PTCD3: variants seen among roughly 807,000 people sequenced by gnomAD.
PTCD3 encodes the protein pentatricopeptide repeat domain 3, also known as small ribosomal subunit protein mS39.
PTCD3 carries 89 observed loss-of-function variants against 101.9 expected under a neutral mutation model. The ratio of observed to expected loss-of-function variants is 0.87; its 90% CI spans 0.74 to 1.04. The LOEUF is 1.04. Among genes scored for constraint, PTCD3 ranks in the 50% least tolerant of loss-of-function variants. PTCD3 has a pLI of 0.00. For missense variants in PTCD3, 870 were observed against 828.2 expected (o/e 1.05, Z -0.62); for synonymous variants, 296 against 278.5 (o/e 1.06, Z -0.63).
Position 86,127,933 on chromosome 2 carries a change from A to G in PTCD3, c.1097-8A>G, listed in dbSNP as rs1443737507. 6.2e-7 allele frequency: 1 copy of G among 1,605,124 alleles called. No homozygotes were observed. On this transcript the variant is annotated splice_region_variant and splice_polypyrimidine_tract_variant and intron_variant, in intron 13 of 23. Coordinates refer to ENST00000254630, the MANE Select transcript of PTCD3 (RefSeq NM_017952.6). ...TGTTTATTTTTTCTGTCTACCTGGT[A>G]ATTTGAGAACCCTCGCTTGCAACAT...
intron 22 of PTCD3, 121 bp from the exon 23 acceptor site, chr2:86,136,861 C>A: frequency 7.8e-7 from 1 of 1,285,864 alleles, no homozygotes; most frequent in Non-Finnish European, 1.1e-6. Flanking sequence ...AAATGTTAGA[C>A]TTCATCTTTG....
At chr2:86,130,875 G>T in intron 15 of PTCD3, 138 bp downstream of exon 15, 5 of 1,447,798 alleles carry the variant, frequency 3.5e-6, no homozygotes, top group Non-Finnish European at 4.6e-6. Flanking sequence ...GTACATAGTA[G>T]GTGTATATAG....
Position 86,132,197 on chromosome 2 carries a change from T to C in PTCD3, c.1267-121T>C, listed in dbSNP as rs937362896. ...CCCCCATTTCTTATAACTTACTTGC[T>C]GTCAACCAATAATATGTTGAATCAA... On this transcript the variant is annotated intron_variant, in intron 16 of 23. Transcript: ENST00000254630. 5.2e-6 allele frequency: 3 copies of C among 577,274 alleles called. No individual in the cohort carries two copies. The African/African-American group carries it at 5.7e-5, about 11-fold the overall frequency. The allele number at this position is 577,274 out of a possible 1,614,324, so 35.8% of individuals were successfully genotyped here.
intron 11 of PTCD3, 130 bp from the exon 12 acceptor site, chr2:86,125,663 AGG>A: frequency 3.8e-6 from 4 of 1,043,648 alleles, no homozygotes; most frequent in Middle Eastern, 2.1e-4. Flanking sequence ...AGATCCAGAG[AGG>A]AGAGTAGTTT....
chr2:86,109,125 G>T (rs1251496137), intron 3 of PTCD3, among the ~76,000 whole-genome samples: 2 of 152,204 alleles, frequency 1.3e-5, no homozygotes, highest in Non-Finnish European at 2.9e-5. Context: ...ACTCGGGTTC[G>T]CCAGGCGCGG....
At chr2:86,118,153 T>G (rs1674210439) in intron 6 of PTCD3, among the ~76,000 whole-genome samples, 1 of 152,236 alleles carries the variant, frequency 6.6e-6, no homozygotes, top group South Asian at 2.1e-4. Flanking sequence ...TACTCTTCTG[T>G]TTCAGTGACG....
chr2:86,107,909 T>C (rs1673993602), intron 1 of PTCD3, among the ~76,000 whole-genome samples: 1 of 152,198 alleles, frequency 6.6e-6, no homozygotes, highest in Non-Finnish European at 1.5e-5. Context: ...ATTGTTCAAG[T>C]GCTATTAAAA....
intron 3 of PTCD3, among the ~76,000 whole-genome samples, chr2:86,109,416 A>G (rs1038627915): frequency 1.3e-5 from 2 of 151,802 alleles, no homozygotes; most frequent in African/African-American, 4.8e-5. Flanking sequence ...CAAAAAAAAA[A>G]AAAGACTTGG....
rs776660221 is a variant in PTCD3 at position 86,130,646 on chromosome 2, A to T, written c.1148-2A>T. ...AAACACATTTGCTTTCTTGTTCTGC[A>T]GGAGACCCTTTAAAGAGATCATCCT... On this transcript the variant is annotated splice_acceptor_variant, in intron 14 of 23. Transcript: ENST00000254630. LOFTEE classifies it high-confidence loss of function. 10 of 1,608,746 alleles carry T rather than the reference A, an allele frequency of 6.2e-6. No individual in the cohort carries two copies. The highest frequency in any genetic ancestry group is 8.5e-6 in the Non-Finnish European group (10 of 1,177,664).
At chr2:86,130,618 A>T in intron 14 of PTCD3, 30 bp from the exon 15 acceptor site, 1 of 1,601,424 alleles carries the variant, frequency 6.2e-7, no homozygotes, top group Non-Finnish European at 8.5e-7. Context: ...AAGGAAGTGG[A>T]TTAAACACAT....
chr2:86,135,293 C>G, intron 21 of PTCD3: 1 of 223,004 alleles, frequency 4.5e-6, no homozygotes, highest in Admixed American at 5.4e-5. Context: ...AATATATGAT[C>G]AAAGAAACGT....
In PTCD3 at chr2:86,139,657, G is replaced by A. The variant is rs1674650173; in HGVS notation, c.*2098G>A. ...TCCCTACAAAAGATTTTAATAATTA[G>A]TTGGGCGTAGTGGTGCATGCCTGTA... On this transcript the variant is annotated 3_prime_UTR_variant, in exon 24 of 24. Coordinates refer to ENST00000254630, the MANE Select transcript of PTCD3 (RefSeq NM_017952.6). 1 of 152,188 alleles carries A rather than the reference G, an allele frequency of 6.6e-6. No individual in the cohort carries two copies. The highest frequency in any genetic ancestry group is 1.5e-5 in the Non-Finnish European group (1 of 68,084). 9.4% of individuals were successfully genotyped at this position (152,188 alleles called of 1,614,324 possible). A position where few individuals can be genotyped will look rare whatever the true frequency, so the allele number is the denominator to read the frequency against.
rs1214708526 is a variant in PTCD3, at chr2:86,111,134, G to A, written c.216G>A (p.Gln72=). 1 of 1,613,634 alleles carries A rather than the reference G, an allele frequency of 6.2e-7. No individual in the cohort carries two copies. Among genetic ancestry groups the A allele is most frequent in the Non-Finnish European group, 8.5e-7 (1 of 1,179,728 alleles). ...TTAGGGATAAAGTAGCCGTTCTTCAGGCACTTGCATCCACAGTAAACAGGG... is the reference window on the plus strand; with the variant it reads ...TTAGGGATAAAGTAGCCGTTCTTCAAGCACTTGCATCCACAGTAAACAGGG... The part of the protein sequence containing the change: ...KKTWDKVAVL[Q]ALASTVNRDT... Residue 72 remains glutamine (Q), a synonymous_variant, in exon 4 of 24, where the codon CAG becomes CAA. Coordinates refer to ENST00000254630, the MANE Select transcript of PTCD3 (RefSeq NM_017952.6).
Position 86,111,208 on chromosome 2 carries a change from C to T in PTCD3, c.240+50C>T, listed in dbSNP as rs774579046. ...TTAACCTAAAACTTGGCTAATAACA[C>T]ACTTTTTAACTCGGCTAATAACACA... On this transcript the variant is annotated intron_variant, in intron 4 of 23. Coordinates refer to ENST00000254630, the MANE Select transcript of PTCD3 (RefSeq NM_017952.6). 18 of 1,437,460 alleles carry T rather than the reference C, an allele frequency of 1.3e-5. No individual in the cohort carries two copies. In the South Asian group the frequency reaches 1.8e-4, roughly 15 times the overall value. 89.0% of individuals were successfully genotyped at this position (1,437,460 alleles called of 1,614,324 possible).
At chr2:86,123,074 AT>A (rs1409117425) in intron 8 of PTCD3, among the ~76,000 whole-genome samples, 71 of 152,158 alleles carry the variant, frequency 4.7e-4, no homozygotes, top group African/African-American at 1.6e-3. Context: ...CCTGGCTAAC[AT>A]GGTGAAATCC....
Position 86,106,975 on chromosome 2 carries a change from G to A in PTCD3, c.104+624G>A, listed in dbSNP as rs1032049494. The A allele has an allele frequency of 3.0e-5, 11 of 365,366 alleles. No individual in the cohort carries two copies. The Admixed American group carries it at 4.0e-4, about 13-fold the overall frequency. The allele number at this position is 365,366 out of a possible 1,614,324, so 22.6% of individuals were successfully genotyped here. The stretch of plus-strand genomic sequence containing the variant: ...TGCTAAAAGCCTAATTTTAGGTTTA[G>A]TGTTTGCCATTCACTTAATTGGATG... On this transcript the variant is annotated intron_variant, in intron 1 of 23. Coordinates refer to ENST00000254630, the MANE Select transcript of PTCD3 (RefSeq NM_017952.6).
chr2:86,128,080 C>T (rs1179415964), intron 14 of PTCD3, 89 bp downstream of exon 14: 7 of 1,083,984 alleles, frequency 6.5e-6, no homozygotes, highest in Non-Finnish European at 9.9e-6. Flanking sequence ...GTTATCTTCT[C>T]TGCATATGAA....
chr2:86,114,951 A>G (rs1050052567), intron 4 of PTCD3, among the ~76,000 whole-genome samples: 4 of 152,240 alleles, frequency 2.6e-5, no homozygotes, highest in Non-Finnish European at 5.9e-5. Flanking sequence ...CAAAGTGTCT[A>G]CCAAAGCTCA....
At chr2:86,108,271 G>A in intron 1 of PTCD3, 79 bp from the exon 2 acceptor site, 1 of 1,489,976 alleles carries the variant, frequency 6.7e-7, no homozygotes, top group Non-Finnish European at 9.1e-7. Flanking sequence ...GAGAATTTGG[G>A]CTCAAAGTAC....
Sources: gnomAD v4.1 joint callset for allele counts (sites outside exome capture counted in the v4.1 genomes callset) on GRCh38, gnomAD v4.1.1 for gene constraint, MANE v1.5 for transcripts, NCBI Gene and HGNC (gene_info 2026-07-23, HGNC 2026-07-21) for gene names.